CHST8: variants seen among roughly 807,000 people sequenced by gnomAD.
The protein encoded by CHST8 is carbohydrate sulfotransferase 8, also known as GALNAC-4-ST1.
A neutral mutation model predicts 15.0 loss-of-function variants in CHST8; 10 were observed. The ratio of observed to expected loss-of-function variants is 0.67; its 90% CI spans 0.41 to 1.13. The LOEUF is 1.13. Among genes scored for constraint, CHST8 ranks in the 50% most tolerant of loss-of-function variants. The pLI is 0.00. For missense variants in CHST8, 634 were observed against 608.2 expected (o/e 1.04, Z -0.45); for synonymous variants, 259 against 256.6 (o/e 1.01, Z -0.09).
At chr19:33,725,615 T>C (rs1028749983) in intron 3 of CHST8, among the ~76,000 whole-genome samples, 1 of 152,136 alleles carries the variant, frequency 6.6e-6, no homozygotes, top group African/African-American at 2.4e-5. Context: ...CGAAAGATAC[T>C]CTTTCTCCCT....
At chr19:33,727,413 C>T (rs1019584323) in intron 3 of CHST8, among the ~76,000 whole-genome samples, 1 of 152,100 alleles carries the variant, frequency 6.6e-6, no homozygotes, top group Non-Finnish European at 1.5e-5. Context: ...GCTCCCGGCC[C>T]CTGAAAGCCT....
intron 3 of CHST8, among the ~76,000 whole-genome samples, chr19:33,765,928 A>G (rs570096979): frequency 6.6e-6 from 1 of 152,256 alleles, no homozygotes; most frequent in East Asian, 1.9e-4. Flanking sequence ...ATGACCTTCC[A>G]CAATGTGGGT....
At chr19:33,712,423 G>A (rs552420525) in intron 3 of CHST8, among the ~76,000 whole-genome samples, 91 of 152,306 alleles carry the variant, frequency 6.0e-4, no homozygotes, top group African/African-American at 2.0e-3. Flanking sequence ...AAGAAGGTGA[G>A]GTGACCCCTG....
At chr19:33,710,877 T>G (rs952217594) in intron 3 of CHST8, among the ~76,000 whole-genome samples, 6 of 151,776 alleles carry the variant, frequency 4.0e-5, no homozygotes, top group Non-Finnish European at 7.4e-5. Context: ...CTGGAGTTTT[T>G]TTTTTTTTTT....
chr19:33,650,513 C>CTTTTTTTTTTTTTTTTTTTTT (rs1356639318), intron 1 of CHST8, among the ~76,000 whole-genome samples: 2 of 36,850 alleles, frequency 5.4e-5, no homozygotes, highest in Non-Finnish European at 1.0e-4. Context: ...TTTTCTTTTT[C>CTTTTTTTTTTTTTTTTTTTTT]TTTTCTTTTT....
intron 3 of CHST8, among the ~76,000 whole-genome samples, chr19:33,706,126 G>C (rs1392200968): frequency 1.3e-5 from 2 of 152,176 alleles, no homozygotes; most frequent in African/African-American, 4.8e-5. Context: ...CCAAAAGTCT[G>C]AAGTCTTCTT....
At chr19:33,681,552 G>C (rs1280774581) in intron 2 of CHST8, among the ~76,000 whole-genome samples, 1 of 152,204 alleles carries the variant, frequency 6.6e-6, no homozygotes, top group African/African-American at 2.4e-5. Context: ...CGGCAGGTGT[G>C]GGTGAGGGGT....
In CHST8 at chr19:33,772,418, G is replaced by A. The variant is rs2145399261; in HGVS notation, c.630G>A (p.Met210Ile). 1 of 1,610,418 alleles carries A rather than the reference G, an allele frequency of 6.2e-7. No homozygotes were observed. The highest frequency in any genetic ancestry group is 1.1e-5 in the South Asian group (1 of 91,026). The change falls in exon 5 of 5, where the codon ATG becomes ATA. Residue 210 changes from methionine to isoleucine, a missense_variant. By Grantham distance (10) the Met-to-Ile change is conservative (BLOSUM62 1). Transcript: ENST00000650847. ...AGCSNWKRVLMVLAGLASSTA... is the reference protein window; with the variant it reads ...AGCSNWKRVLIVLAGLASSTA... ...GCTCCAATTGGAAGCGGGTGCTCAT[G>A]GTGCTGGCCGGCCTGGCCTCGTCCA...
intron 3 of CHST8, among the ~76,000 whole-genome samples, chr19:33,729,464 G>A (rs186566193): frequency 1.1e-3 from 169 of 152,364 alleles, no homozygotes; most frequent in African/African-American, 3.8e-3. Flanking sequence ...GTGACAGCCC[G>A]TCATTGTAGC....
chr19:33,684,791 G>A (rs1424559987), intron 2 of CHST8: 1 of 152,240 alleles, frequency 6.6e-6, no homozygotes, highest in Admixed American at 6.6e-5. Flanking sequence ...AGGGCTCAGA[G>A]ACCAGCGCCC....
At chr19:33,713,670 C>T (rs886936325) in intron 3 of CHST8, among the ~76,000 whole-genome samples, 4 of 152,052 alleles carry the variant, frequency 2.6e-5, no homozygotes, top group Admixed American at 6.6e-5. Context: ...GGTTCAAGTG[C>T]CCCTGTCTAC....
chr19:33,710,866 T>C (rs1163899760), intron 3 of CHST8, among the ~76,000 whole-genome samples: 1 of 144,056 alleles, frequency 6.9e-6, no homozygotes, highest in African/African-American at 2.8e-5. Context: ...TTGGTCAATT[T>C]CTGGAGTTTT....
chr19:33,674,630 C>T (rs987403525), intron 2 of CHST8, among the ~76,000 whole-genome samples: 9 of 152,070 alleles, frequency 5.9e-5, no homozygotes, highest in African/African-American at 1.2e-4. Flanking sequence ...AGGCGGAGAG[C>T]GGGCGGAGAG....
chr19:33,740,176 A>G (rs284690), intron 3 of CHST8, among the ~76,000 whole-genome samples: 91,692 of 151,994 alleles, frequency 0.6, 28,432 homozygotes, highest in African/African-American at 0.74. Context: ...AACTCAAACT[A>G]GTTCACAGGA....
chr19:33,645,605 G>A (rs1254911500), intron 1 of CHST8, among the ~76,000 whole-genome samples: 1 of 152,012 alleles, frequency 6.6e-6, no homozygotes, highest in African/African-American at 2.4e-5. Context: ...AAGAGTGGGT[G>A]GAACAGCTGT....
chr19:33,631,227 C>T (rs1972117901), intron 1 of CHST8, among the ~76,000 whole-genome samples: 1 of 152,200 alleles, frequency 6.6e-6, no homozygotes, highest in Non-Finnish European at 1.5e-5. Flanking sequence ...TTTCTGACAC[C>T]TTCCCTTTTT....
intron 2 of CHST8, among the ~76,000 whole-genome samples, chr19:33,680,117 C>G (rs1440583879): frequency 6.6e-6 from 1 of 152,194 alleles, no homozygotes; most frequent in African/African-American, 2.4e-5. Context: ...ATTGTGCACC[C>G]CAAACTCCAT....
chr19:33,634,561 G>A (rs577484073), intron 1 of CHST8, among the ~76,000 whole-genome samples: 7 of 151,446 alleles, frequency 4.6e-5, no homozygotes, highest in African/African-American at 1.5e-4. Flanking sequence ...CCAGAATCAC[G>A]TGGGTTGCTG....
Position 33,648,972 on chromosome 19 carries a change from C to T in CHST8, c.-163-18795C>T, listed in dbSNP as rs184747736. Among the ~76,000 whole-genome samples, 461 of 128,572 alleles carry T rather than the reference C, an allele frequency of 3.6e-3. 2 individuals are homozygous for T. Among genetic ancestry groups the T allele is most frequent in the African/African-American group, 0.013 (429 of 33,252 alleles). The allele number at this position is 128,572 out of a possible 152,430, so 84.3% of individuals were successfully genotyped here. On this transcript the variant is annotated intron_variant, in intron 1 of 4. Transcript: ENST00000650847. ...AGGCTGGAGTGCAGTGGGGCGATCT[C>T]GGCTCACTGCAAGCTCCACCCCCCA... is the stretch of plus-strand genomic sequence containing the variant.
Sources: gnomAD v4.1 joint callset for allele counts (sites outside exome capture counted in the v4.1 genomes callset) on GRCh38, gnomAD v4.1.1 for gene constraint, MANE v1.5 for transcripts, NCBI Gene and HGNC (gene_info 2026-07-23, HGNC 2026-07-21) for gene names.